The following SNTG1 variants were observed in gnomAD, a reference collection of about 807,000 sequenced individuals.
The protein encoded by SNTG1 is syntrophin gamma 1, also known as gamma-1-syntrophin.
In SNTG1, 39 loss-of-function variants were observed where a neutral mutation model predicts 74.7. The ratio of observed to expected loss-of-function variants is 0.52; its 90% CI spans 0.40 to 0.68. The LOEUF (loss-of-function observed/expected upper bound fraction) is 0.68. Ranked by LOEUF, SNTG1 falls within the 30% of genes least tolerant of loss-of-function variation. The pLI, the probability that SNTG1 is intolerant of heterozygous loss-of-function variation, is 0.00. For missense variants in SNTG1, 685 were observed against 609.5 expected (o/e 1.12, Z -1.30); for synonymous variants, 254 against 217.1 (o/e 1.17, Z -1.49).
chr8:50,245,712 A>G (rs1184165819), intron 2 of SNTG1, among the ~76,000 whole-genome samples: 1 of 152,056 alleles, frequency 6.6e-6, no homozygotes, highest in Non-Finnish European at 1.5e-5. Flanking sequence ...AGAAAACAAA[A>G]CAAAAAAAGG....
chr8:50,226,618 C>T (rs1395022936), intron 2 of SNTG1, among the ~76,000 whole-genome samples: 1 of 152,126 alleles, frequency 6.6e-6, no homozygotes, highest in Non-Finnish European at 1.5e-5. Flanking sequence ...ACAAACTCAA[C>T]CAATTGTCAA....
intron 1 of SNTG1, among the ~76,000 whole-genome samples, chr8:50,111,629 A>G (rs1296133075): frequency 1.3e-5 from 2 of 152,166 alleles, no homozygotes; most frequent in Non-Finnish European, 2.9e-5. Context: ...GCGCAAGAAG[A>G]GCAATATACC....
intron 12 of SNTG1, among the ~76,000 whole-genome samples, chr8:50,556,869 G>C (rs1046018543): frequency 6.6e-6 from 1 of 152,058 alleles, no homozygotes; most frequent in Admixed American, 6.6e-5. Flanking sequence ...TGACCCTTGA[G>C]AGCATTTTTA....
intron 2 of SNTG1, among the ~76,000 whole-genome samples, chr8:50,285,909 G>T (rs2088750443): frequency 6.7e-6 from 1 of 149,404 alleles, no homozygotes; most frequent in African/African-American, 2.4e-5. Flanking sequence ...GAGTTATGTT[G>T]TTTTCTAAGT....
At chr8:50,394,128 C>T (rs2092697902) in intron 2 of SNTG1, 84 bp from the exon 3 acceptor site, 1 of 1,065,304 alleles carries the variant, frequency 9.4e-7, no homozygotes, top group Non-Finnish European at 1.4e-6. Context: ...ACAAGTTCTG[C>T]TTCACGATTT....
chr8:50,146,454 G>A (rs1481969352), intron 1 of SNTG1, among the ~76,000 whole-genome samples: 3 of 152,082 alleles, frequency 2.0e-5, no homozygotes, highest in African/African-American at 7.2e-5. Context: ...GGAGGGGGAG[G>A]TTGCAGTGAG....
intron 2 of SNTG1, among the ~76,000 whole-genome samples, chr8:50,385,946 C>T (rs2092567555): frequency 6.6e-6 from 1 of 152,200 alleles, no homozygotes; most frequent in Non-Finnish European, 1.5e-5. Context: ...GTGGGAATCA[C>T]TTCTCCTGAA....
chr8:50,206,163 T>C (rs2084226026), intron 2 of SNTG1, among the ~76,000 whole-genome samples: 1 of 152,194 alleles, frequency 6.6e-6, no homozygotes, highest in Non-Finnish European at 1.5e-5. Context: ...TTGGGCAGTA[T>C]GGCCATTTTC....
chr8:50,201,463 A>G (rs1442392894), intron 2 of SNTG1, among the ~76,000 whole-genome samples: 2 of 152,164 alleles, frequency 1.3e-5, no homozygotes, highest in Non-Finnish European at 2.9e-5. Context: ...TAATGAACCA[A>G]TATTAGTATG....
intron 15 of SNTG1, among the ~76,000 whole-genome samples, chr8:50,695,861 T>A (rs1245602906): frequency 2.0e-5 from 3 of 151,668 alleles, no homozygotes; most frequent in South Asian, 2.1e-4. Flanking sequence ...ATATATATAA[T>A]TTTTATTATT....
intron 17 of SNTG1, among the ~76,000 whole-genome samples, chr8:50,737,738 C>T (rs1198571743): frequency 2.6e-5 from 4 of 151,966 alleles, no homozygotes; most frequent in Admixed American, 6.6e-5. Flanking sequence ...ATCCCTGGGA[C>T]ATAAGGCTGT....
At chr8:49,945,578 C>T (rs1228586157) in intron 1 of SNTG1, among the ~76,000 whole-genome samples, 2 of 152,110 alleles carry the variant, frequency 1.3e-5, no homozygotes, top group African/African-American at 2.4e-5. Context: ...GCAGATGACC[C>T]GTGTTCAGCT....
At chr8:49,930,304 G>T (rs1022338101) in intron 1 of SNTG1, among the ~76,000 whole-genome samples, 1 of 151,916 alleles carries the variant, frequency 6.6e-6, no homozygotes, top group Admixed American at 6.6e-5. Context: ...ATTTATATCA[G>T]TGAGGCAAGG....
At chr8:50,281,474 GT>G (rs2088453507) in intron 2 of SNTG1, among the ~76,000 whole-genome samples, 1 of 152,198 alleles carries the variant, frequency 6.6e-6, no homozygotes, top group East Asian at 1.9e-4. Context: ...TTTCTCTGAA[GT>G]TTTTATCAAT....
chr8:50,336,412 G>A (rs556595654), intron 2 of SNTG1, among the ~76,000 whole-genome samples: 36 of 152,226 alleles, frequency 2.4e-4, no homozygotes, highest in African/African-American at 8.4e-4. Flanking sequence ...TGAATTGAGA[G>A]GTATTATTCA....
intron 10 of SNTG1, 101 bp from the exon 11 acceptor site, chr8:50,536,577 T>C (rs1020292402): frequency 2.8e-6 from 4 of 1,409,576 alleles, no homozygotes; most frequent in South Asian, 1.4e-5. Flanking sequence ...CTTTTGATCA[T>C]TTAGGGGAAA....
chr8:50,650,814 C>T (rs977247435), intron 13 of SNTG1, among the ~76,000 whole-genome samples: 2 of 152,056 alleles, frequency 1.3e-5, no homozygotes, highest in Non-Finnish European at 2.9e-5. Context: ...GATTCTCCTG[C>T]CTCAGTCTCC....
chr8:50,309,495 G>A (rs1305215493), intron 2 of SNTG1, among the ~76,000 whole-genome samples: 2 of 152,184 alleles, frequency 1.3e-5, no homozygotes, highest in African/African-American at 4.8e-5. Flanking sequence ...TTTCGTATCA[G>A]ATGTTATTTT....
chr8:50,695,474 CTG>C (rs1276729814), intron 15 of SNTG1, among the ~76,000 whole-genome samples: 20 of 131,462 alleles, frequency 1.5e-4, no homozygotes, highest in Non-Finnish European at 3.0e-4. Flanking sequence ...TAATTTTTGT[CTG>C]TTTTTTATTT....
Sources: allele counts gnomAD v4.1 joint callset (sites outside exome capture counted in the v4.1 genomes callset), GRCh38; gene constraint gnomAD v4.1.1; transcripts MANE v1.5; gene names NCBI Gene and HGNC (gene_info 2026-07-23, HGNC 2026-07-21).